Variants in TJP1 observed in about 807,000 individuals in gnomAD.
The protein encoded by TJP1 is tight junction protein ZO-1.
In TJP1, 43 loss-of-function variants were observed where a neutral mutation model predicts 194.2. That is an observed-to-expected ratio of 0.22 (90% CI 0.17 to 0.29). The LOEUF (loss-of-function observed/expected upper bound fraction) is 0.29, where lower values mean the gene tolerates loss of function less well. TJP1 is among the 10% of genes least tolerant of loss of function. The probability of loss-of-function intolerance (pLI) is 1.00; values close to 1 mark genes in which losing one functional copy is unlikely to be tolerated. For missense variants in TJP1, 1,971 were observed against 2,185.7 expected, an observed-to-expected ratio of 0.90 and a Z score of 1.96; for synonymous variants, 801 against 779.0, an observed-to-expected ratio of 1.03 and a Z score of -0.47.
intron 1 of TJP1, chr15:29,968,622 C>T (rs558526223): frequency 6.1e-6 from 6 of 982,708 alleles, no homozygotes; most frequent in South Asian, 4.2e-5. Context: ...CGCCCCGCTC[C>T]GCGCCTAGCC....
intron 2 of TJP1, among the ~76,000 whole-genome samples, chr15:29,869,809 T>C (rs1010182333): frequency 3.2e-5 from 4 of 126,982 alleles, no homozygotes; most frequent in African/African-American, 8.9e-5. Context: ...TTTTTTTTTT[T>C]TTTTTTTTTT....
chr15:29,902,528 TCA>T (rs1388698126), intron 2 of TJP1, among the ~76,000 whole-genome samples: 1 of 152,072 alleles, frequency 6.6e-6, no homozygotes, highest in East Asian at 1.9e-4. Flanking sequence ...AACAAGAAAA[TCA>T]GAGCTATTCT....
chr15:29,753,038 A>G (rs528896368), intron 8 of TJP1, among the ~76,000 whole-genome samples: 220 of 152,276 alleles, frequency 1.4e-3, no homozygotes, highest in African/African-American at 5.2e-3. Context: ...GTTATTTAAT[A>G]TTGTCCCCTC....
At chr15:29,909,338 C>CAAAAA (rs11353216) in intron 2 of TJP1, among the ~76,000 whole-genome samples, 56 of 93,650 alleles carry the variant, frequency 6.0e-4, no homozygotes, top group Middle Eastern at 6.2e-3. Context: ...ACTTCATCTC[C>CAAAAA]AAAAAAAAAA....
At chr15:29,758,250 C>G (rs943056557) in intron 8 of TJP1, among the ~76,000 whole-genome samples, 13 of 152,062 alleles carry the variant, frequency 8.5e-5, no homozygotes, top group African/African-American at 2.9e-4. Flanking sequence ...TTTGGTCCCC[C>G]CTAAACCCCA....
chr15:29,811,750 C>T (rs2049527432), intron 1 of TJP1, among the ~76,000 whole-genome samples: 1 of 152,116 alleles, frequency 6.6e-6, no homozygotes, highest in East Asian at 1.9e-4. Context: ...TACTAACCTA[C>T]AGGCTGATTG....
Position 29,912,484 on chromosome 15 carries a change from C to T in TJP1, c.306+43748G>A, listed in dbSNP as rs146386420. 1.8e-3 allele frequency among the ~76,000 whole-genome samples: 268 copies of T among 152,100 alleles called. 5 individuals are homozygous for T. Among genetic ancestry groups the T allele is most frequent in the Non-Finnish European group, 1.3e-3 (86 of 68,006 alleles). On this transcript the variant is annotated intron_variant, in intron 2 of 28. Transcript: ENST00000356107. ...CAGCACTTTGGAAAGCCAAGACAGG[C>T]GGATCACAAGGTCAGGAGTTTGAGA...
At chr15:29,915,974 T>C (rs182819414) in intron 2 of TJP1, among the ~76,000 whole-genome samples, 6 of 152,292 alleles carry the variant, frequency 3.9e-5, no homozygotes, top group Admixed American at 3.3e-4. Flanking sequence ...TTAAAACTGA[T>C]GCTTTAAAAT....
chr15:29,872,856 G>A (rs894489038), intron 2 of TJP1, among the ~76,000 whole-genome samples: 1 of 152,168 alleles, frequency 6.6e-6, no homozygotes, highest in African/African-American at 2.4e-5. Context: ...AGTCTCACAG[G>A]GGATCTCAAA....
chr15:29,949,448 TTCACCACCACTTCCACCACCA>T (rs1567224927), intron 2 of TJP1, among the ~76,000 whole-genome samples: 15 of 42,646 alleles, frequency 3.5e-4, no homozygotes, highest in African/African-American at 1.2e-3. Flanking sequence ...CACCTCCACC[TTCACCACCACTTCCACCACCA>T]CCACCTCCAC....
At chr15:29,780,490 C>T (rs1451820917) in intron 2 of TJP1, among the ~76,000 whole-genome samples, 1 of 152,110 alleles carries the variant, frequency 6.6e-6, no homozygotes, top group Non-Finnish European at 1.5e-5. Context: ...TGAAGCTTTG[C>T]TCACTTGCCC....
At chr15:29,858,401 A>G (rs1431347550) in intron 2 of TJP1, among the ~76,000 whole-genome samples, 1 of 152,166 alleles carries the variant, frequency 6.6e-6, no homozygotes, top group East Asian at 1.9e-4. Context: ...AACTCATCTC[A>G]AAAATAAAAT....
At chr15:29,935,187 A>G (rs1450715082) in intron 2 of TJP1, among the ~76,000 whole-genome samples, 1 of 152,240 alleles carries the variant, frequency 6.6e-6, no homozygotes, top group Non-Finnish European at 1.5e-5. Context: ...AACATTTAGC[A>G]TTCAACTCTT....
At chr15:29,868,208 A>C (rs1480835942) in intron 2 of TJP1, among the ~76,000 whole-genome samples, 1 of 152,200 alleles carries the variant, frequency 6.6e-6, no homozygotes, top group African/African-American at 2.4e-5. Flanking sequence ...TGACAGAGTG[A>C]GACCCTCTCT....
intron 2 of TJP1, among the ~76,000 whole-genome samples, chr15:29,827,706 G>A (rs562087450): frequency 1.1e-3 from 169 of 152,234 alleles, no homozygotes; most frequent in Non-Finnish European, 1.7e-3. Flanking sequence ...ATGAAATAGT[G>A]CATAAAAAAC....
chr15:29,712,803 T>A, intron 23 of TJP1, among the ~76,000 whole-genome samples: 1 of 142,650 alleles, frequency 7.0e-6, no homozygotes. Flanking sequence ...GAGTGACATG[T>A]CCCATTAAAA....
intron 2 of TJP1, among the ~76,000 whole-genome samples, chr15:29,788,853 T>G (rs1160823091): frequency 6.6e-6 from 1 of 152,140 alleles, no homozygotes; most frequent in Non-Finnish European, 1.5e-5. Context: ...ATCTGAAAAC[T>G]AAAAAGGTGT....
At position 29,733,276 on chromosome 15, in the gene TJP1, A is replaced by G; in HGVS notation, c.1554T>C (p.Ser518=). Residue 518 remains serine (S), a synonymous_variant, in exon 13 of 28, where the codon TCT becomes TCC. Transcript: ENST00000614355. ...RRIVESDVGD[S]FYIRTHFEYE... is the part of the protein sequence containing the mutation. ...ATTCAAAATGGGTTCTAATATAGAA[A>G]GAATCTCCTACATCTGATTCTACAA... is the stretch of plus-strand genomic sequence containing the variant. The G allele has an allele frequency of 6.2e-7, 1 of 1,613,662 alleles. No individual in the cohort carries two copies. Among genetic ancestry groups the G allele is most frequent in the Non-Finnish European group, 8.5e-7 (1 of 1,179,652 alleles).
At chr15:29,927,771 G>A (rs571373701) in intron 2 of TJP1, among the ~76,000 whole-genome samples, 31 of 152,144 alleles carry the variant, frequency 2.0e-4, no homozygotes, top group African/African-American at 6.7e-4. Flanking sequence ...CTCCATCCAG[G>A]GCTGAAGGCA....
Sources: gnomAD v4.1 joint callset for allele counts (sites outside exome capture counted in the v4.1 genomes callset) on GRCh38, gnomAD v4.1.1 for gene constraint, MANE v1.5 for transcripts, NCBI Gene and HGNC (gene_info 2026-07-23, HGNC 2026-07-21) for gene names.